Variants in LRRC37A2 observed in about 807,000 individuals in gnomAD.
LRRC37A2 encodes leucine-rich repeat-containing protein 37A2.
A neutral mutation model predicts 68.8 loss-of-function variants in LRRC37A2; 9 were observed. The ratio of observed to expected loss-of-function variants is 0.13; its 90% CI spans 0.08 to 0.23. The LOEUF (loss-of-function observed/expected upper bound fraction) is 0.23. Ranked by LOEUF, LRRC37A2 falls within the 10% of genes least tolerant of loss-of-function variation. LRRC37A2 has a pLI of 1.00. For missense variants in LRRC37A2, 168 were observed against 950.4 expected (o/e 0.18, Z 10.82); for synonymous variants, 63 against 367.6 (o/e 0.17, Z 9.48).
At chr17:46,742,105 T>C in the LRRC37A2 span, among the ~76,000 whole-genome samples, 77 of 152,354 alleles carry the variant, frequency 5.1e-4, no homozygotes, top group African/African-American at 1.8e-3. Context: ...ATGAATCTTA[T>C]CTTTCCTCTG....
At chr17:46,836,720 G>T in the LRRC37A2 span, among the ~76,000 whole-genome samples, 2 of 152,168 alleles carry the variant, frequency 1.3e-5, no homozygotes, top group Non-Finnish European at 2.9e-5. Context: ...CAGGCTGGAG[G>T]TGAGCAGGGT....
the LRRC37A2 span, among the ~76,000 whole-genome samples, chr17:46,997,563 C>T: frequency 1.3e-5 from 2 of 152,156 alleles, no homozygotes; most frequent in Non-Finnish European, 2.9e-5. Context: ...CAACTATCCA[C>T]TTATAGGAAA....
At chr17:46,906,589 ATTTAAT>A in the LRRC37A2 span, among the ~76,000 whole-genome samples, 1 of 152,092 alleles carries the variant, frequency 6.6e-6, no homozygotes, top group Non-Finnish European at 1.5e-5. Context: ...TGCCCAGCTA[ATTTAAT>A]TTTATTTAAT....
the LRRC37A2 span, among the ~76,000 whole-genome samples, chr17:46,867,987 G>C: frequency 6.6e-6 from 1 of 152,138 alleles, no homozygotes; most frequent in Non-Finnish European, 1.5e-5. Flanking sequence ...GGGGCAGCAA[G>C]GGGAGGAGGC....
chr17:46,497,299 G>A, the LRRC37A2 span, among the ~76,000 whole-genome samples: 5 of 147,722 alleles, frequency 3.4e-5, no homozygotes, highest in African/African-American at 1.3e-4. Context: ...CATTTAATAT[G>A]ATTGATGATG....
the LRRC37A2 span, among the ~76,000 whole-genome samples, chr17:46,900,204 C>T: frequency 9.9e-4 from 111 of 112,002 alleles, no homozygotes; most frequent in African/African-American, 3.1e-3. Context: ...TATATATATA[C>T]ACACACACAC....
the LRRC37A2 span, among the ~76,000 whole-genome samples, chr17:47,020,556 G>C: frequency 6.6e-6 from 1 of 151,074 alleles, no homozygotes; most frequent in African/African-American, 2.4e-5. Context: ...GAGGTGGGCG[G>C]ATCACGAGGT....
chr17:46,719,209 T>A, the LRRC37A2 span, among the ~76,000 whole-genome samples: 1 of 152,194 alleles, frequency 6.6e-6, no homozygotes, highest in Non-Finnish European at 1.5e-5. The surrounding 1 kb of genome is among the most constrained non-coding windows in gnomAD (Gnocchi z 4.3). Flanking sequence ...GCAATGACAA[T>A]AGTCTGTGAA....
chr17:46,958,154 T>C, the LRRC37A2 span, among the ~76,000 whole-genome samples: 1 of 152,156 alleles, frequency 6.6e-6, no homozygotes, highest in South Asian at 2.1e-4. Flanking sequence ...CCAGGGGGCC[T>C]CAGAGGAGCT....
chr17:46,781,311 G>A, the LRRC37A2 span, among the ~76,000 whole-genome samples: 2 of 151,378 alleles, frequency 1.3e-5, no homozygotes, highest in East Asian at 1.9e-4. Flanking sequence ...CAAGCTAAGC[G>A]ACAGAAGCCA....
At chr17:46,979,966 G>A in the LRRC37A2 span, among the ~76,000 whole-genome samples, 1 of 151,984 alleles carries the variant, frequency 6.6e-6, no homozygotes, top group African/African-American at 2.4e-5. Context: ...TAACAGATAT[G>A]GGGATGCACC....
At chr17:46,792,547 T>C in the LRRC37A2 span, among the ~76,000 whole-genome samples, 1 of 152,144 alleles carries the variant, frequency 6.6e-6, no homozygotes, top group African/African-American at 2.4e-5. Flanking sequence ...CGTGTTGGTT[T>C]ACTGCAACCT....
the LRRC37A2 span, chr17:47,018,352 T>A: frequency 1.9e-6 from 3 of 1,611,054 alleles, no homozygotes; most frequent in African/African-American, 2.7e-5. Flanking sequence ...GGTCAGCCTC[T>A]AGAACATCAT....
At chr17:46,970,456 C>A in the LRRC37A2 span, among the ~76,000 whole-genome samples, 1 of 144,172 alleles carries the variant, frequency 6.9e-6, no homozygotes, top group Non-Finnish European at 1.5e-5. Flanking sequence ...AGGAGAATTG[C>A]TTGAACCTGG....
the LRRC37A2 span, chr17:46,773,655 C>T: frequency 7.5e-7 from 1 of 1,330,930 alleles, no homozygotes; most frequent in Non-Finnish European, 1.0e-6. Flanking sequence ...CCCCCTCAGC[C>T]CCAAGGCAGT....
chr17:46,625,152 C>A, the LRRC37A2 span, among the ~76,000 whole-genome samples: 1 of 82,600 alleles, frequency 1.2e-5, no homozygotes, highest in African/African-American at 5.6e-5. Flanking sequence ...GACTCTGTCT[C>A]AAAAAAAAGT....
the LRRC37A2 span, among the ~76,000 whole-genome samples, chr17:46,866,902 GA>G: frequency 6.6e-6 from 1 of 152,164 alleles, no homozygotes; most frequent in East Asian, 1.9e-4. Context: ...TAGGTGATGA[GA>G]AAAGCTCTCC....
chr17:46,987,175 G>A, the LRRC37A2 span, among the ~76,000 whole-genome samples: 3 of 152,200 alleles, frequency 2.0e-5, no homozygotes, highest in Non-Finnish European at 2.9e-5. Flanking sequence ...CTCGGGAGGC[G>A]GAGGTTGCAG....
the LRRC37A2 span, among the ~76,000 whole-genome samples, chr17:46,823,690 T>C: frequency 6.6e-6 from 1 of 152,206 alleles, no homozygotes; most frequent in African/African-American, 2.4e-5. Context: ...CCCACCCATC[T>C]TGGTCTCCCA....
Sources: gnomAD v4.1 joint callset for allele counts (sites outside exome capture counted in the v4.1 genomes callset) on GRCh38, gnomAD v4.1.1 for gene constraint, Gnocchi (gnomAD v3.1) non-coding constraint, MANE v1.5 for transcripts, NCBI Gene and HGNC (gene_info 2026-07-23, HGNC 2026-07-21) for gene names.